Variants in FSTL5 observed in about 807,000 individuals in gnomAD.
FSTL5 encodes the protein follistatin like 5, also known as follistatin-related protein 5.
FSTL5 carries 62 observed loss-of-function variants against 89.1 expected under a neutral mutation model. The observed-to-expected ratio is 0.70, with a 90% CI of 0.57 to 0.86. The LOEUF is 0.86. Among genes scored for constraint, FSTL5 ranks in the 40% least tolerant of loss-of-function variants. The pLI is 0.00. For synonymous variants in FSTL5, 383 were observed against 346.2 expected (o/e 1.11, Z -1.18); for missense variants, 1,057 against 1,001.6 (o/e 1.06, Z -0.75).
chr4:162,128,119 G>T (rs371261906), intron 1 of FSTL5, among the ~76,000 whole-genome samples: 277 of 152,182 alleles, frequency 1.8e-3, no homozygotes, highest in African/African-American at 6.3e-3. Flanking sequence ...AGAGTCCAAA[G>T]ACCTTTCTCA....
chr4:162,021,108 G>A (rs1737066091), intron 3 of FSTL5, among the ~76,000 whole-genome samples: 1 of 151,850 alleles, frequency 6.6e-6, no homozygotes, highest in Non-Finnish European at 1.5e-5. Context: ...ATTGAATCCT[G>A]GCATCTAAAT....
chr4:161,631,866 A>T (rs2126656896), intron 7 of FSTL5, among the ~76,000 whole-genome samples: 1 of 152,322 alleles, frequency 6.6e-6, no homozygotes, highest in South Asian at 2.1e-4. Context: ...GTTGGTAATT[A>T]AGGACATTTT....
intron 6 of FSTL5, among the ~76,000 whole-genome samples, chr4:161,671,242 T>C (rs1054768220): frequency 5.9e-5 from 9 of 152,218 alleles, no homozygotes; most frequent in Non-Finnish European, 2.9e-5. Flanking sequence ...GTTAAGTATA[T>C]TAGAACCTTC....
chr4:161,550,623 A>G (rs916623255), intron 8 of FSTL5, among the ~76,000 whole-genome samples: 1 of 149,234 alleles, frequency 6.7e-6, no homozygotes, highest in South Asian at 2.1e-4. Flanking sequence ...AGGGTACATG[A>G]GCACATTGTG....
At chr4:161,548,699 T>A (rs1373700060) in intron 8 of FSTL5, among the ~76,000 whole-genome samples, 1 of 151,796 alleles carries the variant, frequency 6.6e-6, no homozygotes, top group African/African-American at 2.4e-5. Flanking sequence ...TATACATGTA[T>A]CAATTATCTA....
At chr4:161,387,996 ACTCTCCCT>A (rs1412717787) in intron 15 of FSTL5, 1 of 151,954 alleles carries the variant, frequency 6.6e-6, no homozygotes, top group East Asian at 1.9e-4. Flanking sequence ...GATCAACATA[ACTCTCCCT>A]GTCTCCAATG....
intron 4 of FSTL5, among the ~76,000 whole-genome samples, chr4:161,815,638 ATAAGT>A (rs1287531867): frequency 1.3e-5 from 2 of 152,044 alleles, no homozygotes; most frequent in Admixed American, 1.3e-4. Context: ...AGCTACCCAC[ATAAGT>A]TAAGTCAGTA....
chr4:161,739,608 C>G (rs142648270), intron 6 of FSTL5, among the ~76,000 whole-genome samples: 3 of 152,144 alleles, frequency 2.0e-5, no homozygotes, highest in Non-Finnish European at 4.4e-5. Context: ...TAGTTGTATA[C>G]AGCAGAGGGT....
chr4:161,612,473 T>G (rs1734686641), intron 7 of FSTL5, among the ~76,000 whole-genome samples: 1 of 152,188 alleles, frequency 6.6e-6, no homozygotes, highest in Admixed American at 6.5e-5. Flanking sequence ...CAAGAATAAG[T>G]TAATTTGGTG....
At chr4:162,123,829 A>G (rs1043105971) in intron 1 of FSTL5, among the ~76,000 whole-genome samples, 7 of 152,006 alleles carry the variant, frequency 4.6e-5, no homozygotes, top group Non-Finnish European at 1.0e-4. Context: ...GCAACAGGTA[A>G]AAGATTTTTT....
At chr4:161,726,265 T>TA (rs1252152591) in intron 6 of FSTL5, among the ~76,000 whole-genome samples, 2 of 145,460 alleles carry the variant, frequency 1.4e-5, no homozygotes, top group African/African-American at 5.2e-5. Flanking sequence ...CTCACTCTCT[T>TA]ACCCAGGCTG....
At chr4:161,987,008 T>C (rs970068600) in intron 3 of FSTL5, among the ~76,000 whole-genome samples, 10 of 152,200 alleles carry the variant, frequency 6.6e-5, no homozygotes, top group Admixed American at 6.5e-4. Context: ...GTCATATTCA[T>C]ACTTTTCTCA....
intron 6 of FSTL5, among the ~76,000 whole-genome samples, chr4:161,731,369 G>C (rs1187376241): frequency 6.6e-6 from 1 of 152,010 alleles, no homozygotes; most frequent in East Asian, 1.9e-4. Flanking sequence ...GTTGGGCGAG[G>C]GGCCTAATGG....
chr4:161,663,249 C>G (rs1736776079), intron 6 of FSTL5, among the ~76,000 whole-genome samples: 1 of 152,116 alleles, frequency 6.6e-6, no homozygotes, highest in African/African-American at 2.4e-5. Context: ...CCCCCAAAGT[C>G]TTATTTCAGT....
intron 11 of FSTL5, among the ~76,000 whole-genome samples, chr4:161,505,325 G>C (rs1730439803): frequency 6.6e-6 from 1 of 152,094 alleles, no homozygotes. Flanking sequence ...TCATACCATT[G>C]CACCTCAATA....
intron 3 of FSTL5, among the ~76,000 whole-genome samples, chr4:162,005,381 A>G (rs1434814662): frequency 6.6e-6 from 1 of 152,130 alleles, no homozygotes; most frequent in East Asian, 1.9e-4. Context: ...TCAATGAGTT[A>G]TGTCCTCTCT....
At chr4:162,143,935 T>G (rs17042061) in intron 1 of FSTL5, among the ~76,000 whole-genome samples, 35,336 of 152,014 alleles carry the variant, frequency 0.23, 4,296 homozygotes, top group Non-Finnish European at 0.26. Flanking sequence ...AAACATTATT[T>G]TTCTCATGAT....
At chr4:161,639,932 G>T (rs72687597) in intron 7 of FSTL5, among the ~76,000 whole-genome samples, 3 of 151,874 alleles carry the variant, frequency 2.0e-5, no homozygotes, top group African/African-American at 7.3e-5. Context: ...ATAATTTAAA[G>T]GGTCAGTGCC....
intron 4 of FSTL5, among the ~76,000 whole-genome samples, chr4:161,907,511 G>A (rs937339350): frequency 6.6e-6 from 1 of 152,104 alleles, no homozygotes; most frequent in Non-Finnish European, 1.5e-5. Context: ...CAGATATAAT[G>A]CAAATGAGAA....
Sources: gnomAD v4.1 joint callset for allele counts (sites outside exome capture counted in the v4.1 genomes callset) on GRCh38, gnomAD v4.1.1 for gene constraint, MANE v1.5 for transcripts, NCBI Gene and HGNC (gene_info 2026-07-23, HGNC 2026-07-21) for gene names.